CACNA2D3: variants seen among roughly 807,000 people sequenced by gnomAD.
The protein encoded by CACNA2D3 is voltage-dependent calcium channel subunit alpha-2/delta-3.
A neutral mutation model predicts 160.6 loss-of-function variants in CACNA2D3; 60 were observed. That is an observed-to-expected ratio of 0.37 (90% CI 0.30 to 0.46). CACNA2D3 has a LOEUF of 0.46. CACNA2D3 is among the 20% of genes least tolerant of loss of function. The pLI is 1.00. For missense variants in CACNA2D3, 1,205 were observed against 1,365.0 expected, an observed-to-expected ratio of 0.88 and a Z score of 1.85; for synonymous variants, 558 against 492.9, an observed-to-expected ratio of 1.13 and a Z score of -1.75.
At chr3:54,582,635 G>A (rs1440285482) in intron 9 of CACNA2D3, among the ~76,000 whole-genome samples, 1 of 152,156 alleles carries the variant, frequency 6.6e-6, no homozygotes, top group Non-Finnish European at 1.5e-5. Flanking sequence ...AGCTGCCATT[G>A]CCCATGTTGA....
intron 24 of CACNA2D3, among the ~76,000 whole-genome samples, chr3:54,891,032 T>TG (rs1253035915): frequency 6.6e-6 from 1 of 152,202 alleles, no homozygotes; most frequent in Non-Finnish European, 1.5e-5. Flanking sequence ...TCTTTGAACT[T>TG]GCACCCAGAA....
chr3:54,836,232 T>C lies in CACNA2D3; in HGVS notation c.1399-927T>C, dbSNP rs1394384973. 2.7e-5 allele frequency among the ~76,000 whole-genome samples: 4 copies of C among 146,514 alleles called. No individual in the cohort carries two copies. The South Asian group carries it at 6.8e-4, about 25-fold the overall frequency. On this transcript the variant is annotated intron_variant, in intron 14 of 37. Coordinates refer to ENST00000474759, the MANE Select transcript of CACNA2D3 (RefSeq NM_018398.3). ...GGCCATTCTTTTTTTTTTTCTTTTT[T>C]TTTTTTTTTGTTTTTGTTTTGGGAG... is the stretch of plus-strand genomic sequence containing the variant.
At chr3:54,903,145 T>C (rs893237421) in intron 27 of CACNA2D3, among the ~76,000 whole-genome samples, 2 of 152,180 alleles carry the variant, frequency 1.3e-5, no homozygotes. Flanking sequence ...CAGATTATTT[T>C]ATTGCACAGG....
chr3:54,189,370 A>G (rs1433708286), intron 2 of CACNA2D3, among the ~76,000 whole-genome samples: 3 of 151,764 alleles, frequency 2.0e-5, no homozygotes, highest in African/African-American at 4.8e-5. Context: ...AAGGTGCATA[A>G]CTCTCCTCCA....
chr3:54,219,671 T>A (rs1016331679), intron 2 of CACNA2D3, among the ~76,000 whole-genome samples: 5 of 152,176 alleles, frequency 3.3e-5, no homozygotes, highest in African/African-American at 1.2e-4. Flanking sequence ...CCTCCCTGCA[T>A]AAGCATTTTG....
chr3:54,483,112 G>A (rs1045765033), intron 4 of CACNA2D3, among the ~76,000 whole-genome samples: 21 of 152,204 alleles, frequency 1.4e-4, no homozygotes, highest in Non-Finnish European at 1.5e-5. Flanking sequence ...TTGAGAGCAT[G>A]CGATTGCTAT....
At chr3:54,978,971 C>A (rs1180989055) in intron 29 of CACNA2D3, among the ~76,000 whole-genome samples, 1 of 152,182 alleles carries the variant, frequency 6.6e-6, no homozygotes, top group Non-Finnish European at 1.5e-5. Flanking sequence ...TTATACTTGG[C>A]CTGATTATTT....
intron 4 of CACNA2D3, among the ~76,000 whole-genome samples, chr3:54,470,504 G>A (rs757740086): frequency 6.2e-4 from 95 of 152,172 alleles, no homozygotes; most frequent in Non-Finnish European, 1.2e-3. Context: ...AGACTATCAA[G>A]TCTATGAAGA....
chr3:54,645,593 A>G (rs1449051764), intron 11 of CACNA2D3, among the ~76,000 whole-genome samples: 1 of 152,070 alleles, frequency 6.6e-6, no homozygotes, highest in Admixed American at 6.5e-5. Context: ...TCCCTCCCAC[A>G]GGTGTGGAGT....
intron 12 of CACNA2D3, 85 bp downstream of exon 12, chr3:54,752,762 C>A: frequency 1.1e-6 from 1 of 915,744 alleles, no homozygotes; most frequent in Non-Finnish European, 1.7e-6. Flanking sequence ...GTAGAGAGTT[C>A]TAATAATTCT....
At chr3:54,293,580 A>T (rs201695639) in intron 2 of CACNA2D3, among the ~76,000 whole-genome samples, 5 of 125,960 alleles carry the variant, frequency 4.0e-5, no homozygotes, top group South Asian at 2.8e-4. Flanking sequence ...TATATATATC[A>T]ATATATCACA....
intron 23 of CACNA2D3, 99 bp downstream of exon 23, chr3:54,885,685 T>G: frequency 1.3e-6 from 1 of 775,256 alleles, no homozygotes; most frequent in Non-Finnish European, 2.2e-6. Context: ...AAGCTTTGCT[T>G]TGGCAGAGAT....
chr3:54,801,367 G>A (rs543576199), intron 13 of CACNA2D3, among the ~76,000 whole-genome samples: 1 of 152,246 alleles, frequency 6.6e-6, no homozygotes, highest in South Asian at 2.1e-4. Flanking sequence ...CTTGCTCAGA[G>A]TGTAACTTGG....
At chr3:54,942,946 C>G (rs1000582851) in intron 27 of CACNA2D3, among the ~76,000 whole-genome samples, 4 of 152,096 alleles carry the variant, frequency 2.6e-5, no homozygotes, top group African/African-American at 9.7e-5. Context: ...ATTGCTTGAA[C>G]CCAGGAGGCG....
rs112789585 is a variant in CACNA2D3 at position 54,851,005 on chromosome 3, G to T, written c.1626+4538G>T. ...AGCTGCTCAGAGAGGTCACAGAGAT[G>T]TGCCCTACCTCCAATAACTCAAACT... On this transcript the variant is annotated intron_variant, in intron 17 of 37. Coordinates refer to ENST00000474759, the MANE Select transcript of CACNA2D3 (RefSeq NM_018398.3). 2.2e-3 allele frequency among the ~76,000 whole-genome samples: 341 copies of T among 152,326 alleles called. 1 individual carries two copies. The highest frequency in any genetic ancestry group is 7.8e-3 in the African/African-American group (326 of 41,576).
chr3:54,863,117 CTT>C (rs1012342636), intron 17 of CACNA2D3, among the ~76,000 whole-genome samples: 1 of 152,200 alleles, frequency 6.6e-6, no homozygotes, highest in African/African-American at 2.4e-5. Context: ...TTTCTGAAAA[CTT>C]TTATGAACTT....
intron 2 of CACNA2D3, among the ~76,000 whole-genome samples, chr3:54,317,585 T>A (rs1213282861): frequency 6.6e-6 from 1 of 152,162 alleles, no homozygotes; most frequent in Non-Finnish European, 1.5e-5. Context: ...TTGCCCAGGC[T>A]GGAGTGCAAT....
At chr3:54,824,593 G>A (rs1703710784) in intron 14 of CACNA2D3, among the ~76,000 whole-genome samples, 1 of 152,182 alleles carries the variant, frequency 6.6e-6, no homozygotes, top group Admixed American at 6.5e-5. Flanking sequence ...AGCTGGATAT[G>A]GAGTGGAGGC....
At chr3:54,998,757 T>TGTTTA (rs1408162568) in intron 31 of CACNA2D3, among the ~76,000 whole-genome samples, 7 of 145,762 alleles carry the variant, frequency 4.8e-5, no homozygotes, top group Non-Finnish European at 9.1e-5. Flanking sequence ...TGTTTTGTTT[T>TGTTTA]GTTTTTTGAG....
Sources: gnomAD v4.1 joint callset for allele counts (sites outside exome capture counted in the v4.1 genomes callset) on GRCh38, gnomAD v4.1.1 for gene constraint, MANE v1.5 for transcripts, NCBI Gene and HGNC (gene_info 2026-07-23, HGNC 2026-07-21) for gene names.